GRIN2A: variants seen among roughly 807,000 people sequenced by gnomAD.
GRIN2A encodes glutamate ionotropic receptor NMDA type subunit 2A.
In GRIN2A, 22 loss-of-function variants were observed where a neutral mutation model predicts 113.4. The ratio of observed to expected loss-of-function variants is 0.19; its 90% CI spans 0.14 to 0.28. The LOEUF (loss-of-function observed/expected upper bound fraction) is 0.28. GRIN2A is among the 10% of genes least tolerant of loss of function. The probability of loss-of-function intolerance (pLI) is 1.00; values close to 1 mark genes in which losing one functional copy is unlikely to be tolerated. For missense variants in GRIN2A, 1,502 were observed against 1,887.0 expected (o/e 0.80, Z 3.78); for synonymous variants, 827 against 738.4 (o/e 1.12, Z -1.94).
chr16:10,119,936 G>C (rs1165643473), intron 2 of GRIN2A, among the ~76,000 whole-genome samples: 4 of 152,142 alleles, frequency 2.6e-5, no homozygotes, highest in Non-Finnish European at 4.4e-5. Context: ...TGGCTATGTA[G>C]TACTCCATGC....
intron 2 of GRIN2A, among the ~76,000 whole-genome samples, chr16:9,984,453 CCT>C (rs1320962047): frequency 6.6e-6 from 1 of 152,108 alleles, no homozygotes; most frequent in Non-Finnish European, 1.5e-5. Flanking sequence ...TGGAGTTTAC[CCT>C]GTTTTCTTCT....
At chr16:10,070,480 T>C (rs995307783) in intron 2 of GRIN2A, among the ~76,000 whole-genome samples, 4 of 152,230 alleles carry the variant, frequency 2.6e-5, no homozygotes, top group Non-Finnish European at 5.9e-5. Context: ...GCCAGCCATC[T>C]ACAACATTGC....
intron 2 of GRIN2A, among the ~76,000 whole-genome samples, chr16:10,068,025 A>G (rs115452788): frequency 0.016 from 2,481 of 152,332 alleles, 36 homozygotes; most frequent in South Asian, 0.065. Flanking sequence ...GATGGCTGAA[A>G]GCCATCTGTG....
chr16:9,889,511 A>C (rs1172621794), intron 4 of GRIN2A, among the ~76,000 whole-genome samples: 1 of 151,560 alleles, frequency 6.6e-6, no homozygotes, highest in Non-Finnish European at 1.5e-5. Context: ...TCATTTGTTC[A>C]CTTTGCTCTT....
At chr16:10,147,070 A>G (rs1047478788) in intron 2 of GRIN2A, among the ~76,000 whole-genome samples, 1 of 152,066 alleles carries the variant, frequency 6.6e-6, no homozygotes, top group African/African-American at 2.4e-5. Flanking sequence ...GATGATCAAA[A>G]CAGTACTTTG....
At position 10,036,333 on chromosome 16, in the gene GRIN2A, G is replaced by A. The variant is rs183506580; in HGVS notation, c.415-97782C>T. 1.1e-3 allele frequency among the ~76,000 whole-genome samples: 163 copies of A among 151,888 alleles called. 1 individual carries two copies. The highest frequency in any genetic ancestry group is 4.7e-3 in the Admixed American group (71 of 15,256). ...GGTGGTTCCCTCTGGAGTCTCTGAA[G>A]GACAATCTATTTCATGCCTTTCTTC... On this transcript the variant is annotated intron_variant, in intron 2 of 12. Coordinates refer to ENST00000330684, the MANE Select transcript of GRIN2A (RefSeq NM_001134407.3).
At chr16:9,796,350 A>G (rs957011362) in intron 11 of GRIN2A, among the ~76,000 whole-genome samples, 1 of 152,222 alleles carries the variant, frequency 6.6e-6, no homozygotes, top group Non-Finnish European at 1.5e-5. Flanking sequence ...AATGCTGGAA[A>G]TAAGACTCCT....
At chr16:9,908,147 A>G (rs2044064549) in intron 3 of GRIN2A, among the ~76,000 whole-genome samples, 2 of 152,212 alleles carry the variant, frequency 1.3e-5, no homozygotes, top group Non-Finnish European at 2.9e-5. Context: ...ACTTGACAGC[A>G]CTATGTACAT....
intron 2 of GRIN2A, among the ~76,000 whole-genome samples, chr16:9,999,025 A>T (rs1026585631): frequency 6.6e-6 from 1 of 152,174 alleles, no homozygotes; most frequent in African/African-American, 2.4e-5. Flanking sequence ...CAGAACAAAC[A>T]ATATTAAATT....
intron 2 of GRIN2A, among the ~76,000 whole-genome samples, chr16:10,082,870 C>G (rs1313159009): frequency 6.6e-6 from 1 of 152,238 alleles, no homozygotes; most frequent in Non-Finnish European, 1.5e-5. Flanking sequence ...CATTCTCCCA[C>G]ATGGGCTTCC....
intron 10 of GRIN2A, among the ~76,000 whole-genome samples, chr16:9,814,231 C>G (rs1334878529): frequency 6.6e-6 from 1 of 152,104 alleles, no homozygotes; most frequent in Non-Finnish European, 1.5e-5. Context: ...GAACCATAAC[C>G]CCGTATTTCC....
intron 2 of GRIN2A, among the ~76,000 whole-genome samples, chr16:10,170,150 C>G (rs2050012035): frequency 6.6e-6 from 1 of 152,178 alleles, no homozygotes; most frequent in South Asian, 2.1e-4. Flanking sequence ...AAATGCTGTA[C>G]TGGTGAAACA....
At chr16:9,995,547 G>T (rs1471522686) in intron 2 of GRIN2A, among the ~76,000 whole-genome samples, 1 of 152,068 alleles carries the variant, frequency 6.6e-6, no homozygotes, top group Non-Finnish European at 1.5e-5. Context: ...GGAGGGCTTG[G>T]GTACAAGTGA....
In GRIN2A at chr16:9,756,983, T is replaced by G. The variant is rs1412762410; in HGVS notation, c.*6166A>C. On this transcript the variant is annotated 3_prime_UTR_variant, in exon 13 of 13. Coordinates refer to ENST00000330684, the MANE Select transcript of GRIN2A (RefSeq NM_001134407.3). ...GAATTTTCCCTCTATGCTTCCCTGA[T>G]ACATTCATACCCTGGTGTATCAGAA... The G allele has an allele frequency of 5.1e-6, 1 of 195,048 alleles. No homozygotes were observed. Among genetic ancestry groups the G allele is most frequent in the Non-Finnish European group, 1.1e-5 (1 of 93,754 alleles). 12.1% of individuals were successfully genotyped at this position (195,048 alleles called of 1,614,324 possible). A position where few individuals can be genotyped will look rare whatever the true frequency, so the allele number is the denominator to read the frequency against.
At chr16:9,952,568 G>C (rs1471004626) in intron 2 of GRIN2A, among the ~76,000 whole-genome samples, 1 of 152,096 alleles carries the variant, frequency 6.6e-6, no homozygotes, top group African/African-American at 2.4e-5. Context: ...CTTTGAATCT[G>C]GTTCCATAGT....
chr16:10,111,578 T>A, intron 2 of GRIN2A: 1 of 906,236 alleles, frequency 1.1e-6, no homozygotes, highest in Non-Finnish European at 1.8e-6. Context: ...ACACCACTGA[T>A]CTCTTCCCCT....
intron 2 of GRIN2A, among the ~76,000 whole-genome samples, chr16:10,125,399 C>T (rs1370346204): frequency 6.6e-6 from 1 of 152,126 alleles, no homozygotes; most frequent in Non-Finnish European, 1.5e-5. Context: ...TGGAAAGACC[C>T]TTGTTAGGAG....
At chr16:10,030,062 T>C (rs1237838589) in intron 2 of GRIN2A, among the ~76,000 whole-genome samples, 1 of 152,110 alleles carries the variant, frequency 6.6e-6, no homozygotes, top group Non-Finnish European at 1.5e-5. Context: ...GGCTGCAGCA[T>C]CTTCAAAGTT....
chr16:9,983,992 A>G (rs1254659851), intron 2 of GRIN2A, among the ~76,000 whole-genome samples: 1 of 152,208 alleles, frequency 6.6e-6, no homozygotes, highest in Non-Finnish European at 1.5e-5. Context: ...CGTTTTTCAT[A>G]ATGGCTGTTC....
Sources: allele counts gnomAD v4.1 joint callset (sites outside exome capture counted in the v4.1 genomes callset), GRCh38; gene constraint gnomAD v4.1.1; transcripts MANE v1.5; gene names NCBI Gene and HGNC (gene_info 2026-07-23, HGNC 2026-07-21).